The following ADAM10 variants were observed in gnomAD, a reference collection of about 807,000 sequenced individuals.
ADAM10 encodes the protein disintegrin and metalloproteinase domain-containing protein 10.
ADAM10 carries 17 observed loss-of-function variants against 90.1 expected under a neutral mutation model. The ratio of observed to expected loss-of-function variants is 0.19; its 90% confidence interval spans 0.13 to 0.28. The LOEUF (loss-of-function observed/expected upper bound fraction) is 0.28. ADAM10 is among the 10% of genes least tolerant of loss of function. The pLI is 1.00. For missense variants in ADAM10, 610 were observed against 914.3 expected (o/e 0.67, Z 4.29); for synonymous variants, 310 against 298.6 (o/e 1.04, Z -0.40).
At chr15:58,611,200 C>A in intron 12 of ADAM10, 93 bp from the exon 13 acceptor site, 1 of 872,230 alleles carries the variant, frequency 1.1e-6, no homozygotes, top group South Asian at 1.4e-5. Flanking sequence ...CTTCCAATGT[C>A]AAAATATTTA....
intron 14 of ADAM10, among the ~76,000 whole-genome samples, chr15:58,606,920 T>C (rs1895293910): frequency 6.6e-6 from 1 of 152,364 alleles, no homozygotes; most frequent in South Asian, 2.1e-4. Context: ...CAGTCACTGT[T>C]GCAGCTACTC....
At chr15:58,685,997 A>G (rs1312593430) in intron 2 of ADAM10, among the ~76,000 whole-genome samples, 2 of 152,192 alleles carry the variant, frequency 1.3e-5, no homozygotes, top group African/African-American at 4.8e-5. Context: ...TTTCAGTTAC[A>G]TAAATGAAAC....
intron 3 of ADAM10, among the ~76,000 whole-genome samples, chr15:58,681,568 C>T (rs1897443096): frequency 6.6e-6 from 1 of 152,132 alleles, no homozygotes; most frequent in Admixed American, 6.5e-5. Context: ...TGCCTCTCTC[C>T]AACACCCCCA....
intron 1 of ADAM10, among the ~76,000 whole-genome samples, chr15:58,738,714 T>G (rs1899508780): frequency 6.6e-6 from 1 of 152,254 alleles, no homozygotes; most frequent in Non-Finnish European, 1.5e-5. Context: ...GTATTAAATT[T>G]ATACCACTAA....
At chr15:58,744,015 G>A (rs1278363888) in intron 1 of ADAM10, among the ~76,000 whole-genome samples, 1 of 152,106 alleles carries the variant, frequency 6.6e-6, no homozygotes, top group Non-Finnish European at 1.5e-5. Context: ...TAAAACCAGA[G>A]TACTCATGAT....
intron 14 of ADAM10, among the ~76,000 whole-genome samples, chr15:58,601,849 G>A (rs1468188993): frequency 1.3e-5 from 2 of 152,148 alleles, no homozygotes; most frequent in African/African-American, 4.8e-5. Flanking sequence ...TTCAATTTGG[G>A]TTCCTCTGGT....
chr15:58,712,485 C>A (rs1898505291), intron 2 of ADAM10, among the ~76,000 whole-genome samples: 1 of 146,026 alleles, frequency 6.8e-6, no homozygotes. Context: ...GATCTCACCA[C>A]TCTACCCTAG....
chr15:58,701,523 CT>C (rs1434433000), intron 2 of ADAM10, among the ~76,000 whole-genome samples: 3 of 152,174 alleles, frequency 2.0e-5, no homozygotes, highest in African/African-American at 7.2e-5. Context: ...AGTAACTCTT[CT>C]ATACTGTTGA....
At chr15:58,735,366 A>T (rs1374683223) in intron 1 of ADAM10, among the ~76,000 whole-genome samples, 1 of 152,206 alleles carries the variant, frequency 6.6e-6, no homozygotes, top group Non-Finnish European at 1.5e-5. Flanking sequence ...AAAGAATGCC[A>T]ATCTTAATTC....
At chr15:58,705,354 G>C (rs775534511) in intron 2 of ADAM10, among the ~76,000 whole-genome samples, 1 of 152,100 alleles carries the variant, frequency 6.6e-6, no homozygotes, top group Non-Finnish European at 1.5e-5. Context: ...TTCTCATCTT[G>C]ATTATAGCGG....
In ADAM10 at chr15:58,596,572, A is replaced by G. The variant is rs1293654841; in HGVS notation, c.*975T>C. On this transcript the variant is annotated 3_prime_UTR_variant, in exon 16 of 16. Coordinates refer to ENST00000260408, the MANE Select transcript of ADAM10 (RefSeq NM_001110.4). ...ATATCAGACAGAAAACATAATTAGC[A>G]TATTTCAGATATATGAAAAACACAA... is the stretch of plus-strand genomic sequence containing the variant. The G allele has an allele frequency of 6.6e-6, 1 of 152,670 alleles. No individual in the cohort carries two copies. Among genetic ancestry groups the G allele is most frequent in the African/African-American group, 2.4e-5 (1 of 41,472 alleles). 9.5% of individuals were successfully genotyped at this position (152,670 alleles called of 1,614,324 possible). A position where few individuals can be genotyped will look rare whatever the true frequency, so the allele number is the denominator to read the frequency against.
chr15:58,731,817 C>T (rs1037206863), intron 1 of ADAM10, among the ~76,000 whole-genome samples: 1 of 151,986 alleles, frequency 6.6e-6, no homozygotes, highest in Non-Finnish European at 1.5e-5. Flanking sequence ...GTCAGAAAGC[C>T]CACCCCATGA....
At chr15:58,650,304 G>A (rs553332455) in intron 5 of ADAM10, among the ~76,000 whole-genome samples, 2 of 152,278 alleles carry the variant, frequency 1.3e-5, no homozygotes, top group South Asian at 4.1e-4. Flanking sequence ...GTGAAGTTGT[G>A]ATTGACACCT....
chr15:58,730,275 GAA>G (rs1899193178), intron 1 of ADAM10, among the ~76,000 whole-genome samples: 1 of 152,184 alleles, frequency 6.6e-6, no homozygotes, highest in Admixed American at 6.5e-5. Flanking sequence ...ATACTGAGTA[GAA>G]AAAGTTTCCA....
intron 14 of ADAM10, chr15:58,609,596 C>T (rs28534705): frequency 6.5e-6 from 1 of 153,288 alleles, no homozygotes. Flanking sequence ...CCAAAGCAAA[C>T]TACATTCAGT....
chr15:58,673,142 T>A (rs746402115), intron 4 of ADAM10, among the ~76,000 whole-genome samples: 1 of 151,788 alleles, frequency 6.6e-6, no homozygotes, highest in African/African-American at 2.4e-5. Flanking sequence ...GAAAAAAAAA[T>A]ACAGATGGAT....
chr15:58,660,952 C>A (rs897933425), intron 5 of ADAM10, among the ~76,000 whole-genome samples: 2 of 152,244 alleles, frequency 1.3e-5, no homozygotes, highest in Non-Finnish European at 2.9e-5. Context: ...ACTTTACTTA[C>A]AAAAGCAAAC....
intron 4 of ADAM10, among the ~76,000 whole-genome samples, chr15:58,666,655 T>A (rs1165642566): frequency 1.3e-5 from 2 of 152,120 alleles, no homozygotes; most frequent in African/African-American, 4.8e-5. Flanking sequence ...CCATTGGTTA[T>A]TAATGTATAG....
intron 5 of ADAM10, among the ~76,000 whole-genome samples, chr15:58,661,784 G>C (rs1005299852): frequency 6.6e-6 from 1 of 152,076 alleles, no homozygotes; most frequent in Non-Finnish European, 1.5e-5. Context: ...TCTGTGCTTA[G>C]ATATGGATAC....
Sources: allele counts gnomAD v4.1 joint callset (sites outside exome capture counted in the v4.1 genomes callset), GRCh38; gene constraint gnomAD v4.1.1; transcripts MANE v1.5; gene names NCBI Gene and HGNC (gene_info 2026-07-23, HGNC 2026-07-21).